Variants in FOXN3 observed in about 807,000 individuals in gnomAD.
FOXN3 encodes the protein forkhead box N3.
Under a neutral mutation model 38.4 loss-of-function variants are expected in FOXN3, and 7 were observed. The ratio of observed to expected loss-of-function variants is 0.18; its 90% CI spans 0.10 to 0.34. The LOEUF (loss-of-function observed/expected upper bound fraction) is 0.34. Among genes scored for constraint, FOXN3 ranks in the 10% least tolerant of loss-of-function variants. FOXN3 has a pLI of 1.00. For synonymous variants in FOXN3, 230 were observed against 242.2 expected, an observed-to-expected ratio of 0.95 and a Z score of 0.47; for missense variants, 456 against 613.4, an observed-to-expected ratio of 0.74 and a Z score of 2.71.
chr14:89,277,150 T>A (rs1596148142), intron 4 of FOXN3, among the ~76,000 whole-genome samples: 1 of 152,238 alleles, frequency 6.6e-6, no homozygotes, highest in Non-Finnish European at 1.5e-5. Flanking sequence ...AAAAAGACTT[T>A]ATTCTTTTCA....
intron 1 of FOXN3, among the ~76,000 whole-genome samples, chr14:89,528,901 G>A (rs1426262988): frequency 6.6e-6 from 1 of 152,184 alleles, no homozygotes; most frequent in African/African-American, 2.4e-5. Flanking sequence ...TGGGAAGGAA[G>A]CAGCTTTTGC....
At chr14:89,261,101 G>A (rs1885785548) in intron 4 of FOXN3, among the ~76,000 whole-genome samples, 1 of 152,198 alleles carries the variant, frequency 6.6e-6, no homozygotes, top group African/African-American at 2.4e-5. Flanking sequence ...TCAAACTCTG[G>A]ACCATGCACA....
Position 89,318,927 on chromosome 14 carries a change from C to T in FOXN3, c.680+31745G>A, listed in dbSNP as rs189052284. The stretch of plus-strand genomic sequence containing the variant: ...ATCAAAGACGGGCTGGAATGGAGAA[C>T]GGAGGCAGAAACACCAGACAGAGAA... On this transcript the variant is annotated intron_variant, in intron 3 of 5. Transcript: ENST00000557258. 2.0e-4 allele frequency among the ~76,000 whole-genome samples: 31 copies of T among 152,278 alleles called. No homozygotes were observed. The East Asian group carries it at 3.7e-3, about 18-fold the overall frequency.
chr14:89,233,246 G>A (rs192036790), intron 4 of FOXN3, among the ~76,000 whole-genome samples: 4 of 152,346 alleles, frequency 2.6e-5, no homozygotes, highest in African/African-American at 9.6e-5. Context: ...AGCAAGCCTG[G>A]AAAGCTGAAA....
At chr14:89,583,981 C>G (rs974238474) in intron 1 of FOXN3, among the ~76,000 whole-genome samples, 2 of 150,202 alleles carry the variant, frequency 1.3e-5, no homozygotes, top group African/African-American at 4.9e-5. Flanking sequence ...CTCAACCTCC[C>G]GAGTAGCTGG....
At chr14:89,238,929 C>T (rs923858178) in intron 4 of FOXN3, among the ~76,000 whole-genome samples, 1 of 152,112 alleles carries the variant, frequency 6.6e-6, no homozygotes, top group Admixed American at 6.5e-5. Flanking sequence ...ACGGAAATGA[C>T]AAACAGACAA....
chr14:89,432,129 G>T (rs1031404168), intron 1 of FOXN3, among the ~76,000 whole-genome samples: 1 of 152,140 alleles, frequency 6.6e-6, no homozygotes. Context: ...TCCACAACTC[G>T]CCACTAACTG....
At chr14:89,177,773 T>TA (rs1470514394) in intron 5 of FOXN3, among the ~76,000 whole-genome samples, 1 of 152,046 alleles carries the variant, frequency 6.6e-6, no homozygotes, top group African/African-American at 2.4e-5. Flanking sequence ...CTTGCAGAAC[T>TA]GTGTTCCCTT....
chr14:89,508,300 C>T (rs1893990858), intron 1 of FOXN3, among the ~76,000 whole-genome samples: 1 of 152,138 alleles, frequency 6.6e-6, no homozygotes, highest in Non-Finnish European at 1.5e-5. Context: ...GGAGGAGTGG[C>T]ATTATGTGCA....
intron 1 of FOXN3, among the ~76,000 whole-genome samples, chr14:89,422,631 C>T (rs1891939198): frequency 6.6e-6 from 1 of 152,164 alleles, no homozygotes; most frequent in African/African-American, 2.4e-5. Context: ...GACGGCGCCC[C>T]TCGGCTGGAA....
intron 1 of FOXN3, among the ~76,000 whole-genome samples, chr14:89,608,689 A>T (rs1431073098): frequency 6.6e-6 from 1 of 152,208 alleles, no homozygotes. Context: ...CTTCATAAGA[A>T]ATAAACAGAA....
chr14:89,458,779 C>T (rs1381351858), intron 1 of FOXN3, among the ~76,000 whole-genome samples: 1 of 152,098 alleles, frequency 6.6e-6, no homozygotes, highest in African/African-American at 2.4e-5. Flanking sequence ...ATCAAGACCC[C>T]CTCTAGGTCC....
intron 2 of FOXN3, among the ~76,000 whole-genome samples, chr14:89,396,554 G>C (rs940838388): frequency 1.4e-4 from 21 of 152,214 alleles, no homozygotes; most frequent in Non-Finnish European, 2.8e-4. Flanking sequence ...GCCACTGCTG[G>C]CTGGGCACGG....
chr14:89,257,976 C>T (rs937361804), intron 4 of FOXN3, among the ~76,000 whole-genome samples: 1 of 152,082 alleles, frequency 6.6e-6, no homozygotes, highest in African/African-American at 2.4e-5. Context: ...ATCCTAACAG[C>T]AGAGTAGAGC....
At chr14:89,333,168 G>A (rs563669723) in intron 3 of FOXN3, 34 of 161,892 alleles carry the variant, frequency 2.1e-4, no homozygotes, top group Middle Eastern at 3.1e-3. Context: ...GGTGGCTCAC[G>A]CCTGTAATCC....
chr14:89,446,955 G>A (rs569538779), intron 1 of FOXN3, among the ~76,000 whole-genome samples: 2 of 152,324 alleles, frequency 1.3e-5, no homozygotes, highest in East Asian at 3.9e-4. Flanking sequence ...CCAGCACTTT[G>A]GGAGGCCAAG....
intron 2 of FOXN3, among the ~76,000 whole-genome samples, chr14:89,399,407 C>G (rs187116022): frequency 6.6e-6 from 1 of 152,304 alleles, no homozygotes; most frequent in East Asian, 1.9e-4. Flanking sequence ...CACGTGGCCG[C>G]AGAGGAACAG....
chr14:89,165,665 G>A (rs1296203698), intron 5 of FOXN3, among the ~76,000 whole-genome samples: 4 of 152,180 alleles, frequency 2.6e-5, no homozygotes, highest in African/African-American at 9.7e-5. Flanking sequence ...ACTTTGAGGT[G>A]TCACCAAATG....
Position 89,162,340 on chromosome 14 carries a change from C to A in FOXN3, c.*74G>T. 3 of 1,270,416 alleles carry A rather than the reference C, an allele frequency of 2.4e-6. No individual in the cohort carries two copies. Among genetic ancestry groups the A allele is most frequent in the Non-Finnish European group, 3.2e-6 (3 of 942,708 alleles). 78.7% of individuals were successfully genotyped at this position (1,270,416 alleles called of 1,614,324 possible). A position where few individuals can be genotyped will look rare whatever the true frequency, so the allele number is the denominator to read the frequency against. ...AAAGAAAAAAAATTGCTGATATTGC[C>A]ACAAATCATTAGAAATCTCCTGACA... On this transcript the variant is annotated 3_prime_UTR_variant, in exon 6 of 6. Transcript: ENST00000557258. The surrounding 1 kb of genome is among the most constrained non-coding windows in gnomAD (Gnocchi z 7.2).
Sources: allele counts gnomAD v4.1 joint callset (sites outside exome capture counted in the v4.1 genomes callset), GRCh38; gene constraint gnomAD v4.1.1; non-coding constraint Gnocchi (gnomAD v3.1); transcripts MANE v1.5; gene names NCBI Gene and HGNC (gene_info 2026-07-23, HGNC 2026-07-21).